The following CD47 variants were observed in gnomAD, a reference collection of about 807,000 sequenced individuals.
CD47 encodes leukocyte surface antigen CD47.
In CD47, 11 loss-of-function variants were observed where a neutral mutation model predicts 44.6. That is an observed-to-expected ratio of 0.25 (90% CI 0.16 to 0.41). The LOEUF (loss-of-function observed/expected upper bound fraction) is 0.41, where lower values mean the gene tolerates loss of function less well. Among genes scored for constraint, CD47 ranks in the 10% least tolerant of loss-of-function variants. CD47 has a pLI of 1.00. For missense variants in CD47, 306 were observed against 386.7 expected, an observed-to-expected ratio of 0.79 and a Z score of 1.75; for synonymous variants, 140 against 136.3, an observed-to-expected ratio of 1.03 and a Z score of -0.19.
Position 108,071,152 on chromosome 3 carries a change from A to C in CD47, c.431T>G (p.Leu144Arg), listed in dbSNP as rs2079193402. The C allele has an allele frequency of 6.6e-7, 1 of 1,503,966 alleles. No individual in the cohort carries two copies. The highest frequency in any genetic ancestry group is 1.4e-5 in the African/African-American group (1 of 72,190). 93.2% of individuals were successfully genotyped at this position (1,503,966 alleles called of 1,614,324 possible). A position where few individuals can be genotyped will look rare whatever the true frequency, so the allele number is the denominator to read the frequency against. The change falls in exon 3 of 11, where the codon CTT (leucine) becomes CGT (arginine). Residue 144 changes from leucine to arginine, a missense_variant. By Grantham distance (102) the Leu-to-Arg change is moderately radical. This residue lies in a region of CD47 where 65 missense variants were observed against 119.9 expected (regional missense o/e 0.54). Coordinates refer to ENST00000361309, the MANE Select transcript of CD47 (RefSeq NM_001777.4). ...VSWFSPNENI[L>R]IVIFPIFAIL... ...AGCAAAAATTGGGAAAATAACAATA[A>C]GAATATTTTCATTTGGAGAAAACCA...
At chr3:108,073,627 A>C (rs2079251825) in intron 2 of CD47, among the ~76,000 whole-genome samples, 1 of 152,210 alleles carries the variant, frequency 6.6e-6, no homozygotes, top group South Asian at 2.1e-4. Context: ...AAATGGGAAG[A>C]GTTTGCTGGG....
intron 6 of CD47, among the ~76,000 whole-genome samples, chr3:108,058,121 T>A (rs182198148): frequency 6.6e-6 from 1 of 152,280 alleles, no homozygotes; most frequent in East Asian, 1.9e-4. Flanking sequence ...GTAATTGCAC[T>A]CCTTGGTATT....
chr3:108,067,539 C>A (rs1294810495), intron 3 of CD47, among the ~76,000 whole-genome samples: 1 of 152,160 alleles, frequency 6.6e-6, no homozygotes, highest in Non-Finnish European at 1.5e-5. Flanking sequence ...TGAAAATCAG[C>A]CAGGAACTTA....
At chr3:108,064,059 C>T (rs1243052082) in intron 3 of CD47, among the ~76,000 whole-genome samples, 2 of 152,206 alleles carry the variant, frequency 1.3e-5, no homozygotes, top group African/African-American at 4.8e-5. Flanking sequence ...TTCATCTGTT[C>T]TACAAATATT....
intron 2 of CD47, among the ~76,000 whole-genome samples, chr3:108,077,063 T>C (rs1468843319): frequency 6.6e-6 from 1 of 152,148 alleles, no homozygotes; most frequent in Non-Finnish European, 1.5e-5. Flanking sequence ...TTATAGTGTT[T>C]CCATGTATTC....
Position 108,049,138 on chromosome 3 carries a change from C to G in CD47, c.967+481G>C, listed in dbSNP as rs562895312. On this transcript the variant is annotated intron_variant, in intron 10 of 10. Transcript: ENST00000361309. Reference sequence around the variant, plus strand: ...TCTCTCTCTCTCTCTCTCTCTCTCTCTCTCTCAACCTCTCTCTTTAATCAT... The same window carrying G: ...TCTCTCTCTCTCTCTCTCTCTCTCTGTCTCTCAACCTCTCTCTTTAATCAT... 3.0e-5 allele frequency among the ~76,000 whole-genome samples: 4 copies of G among 133,716 alleles called. No homozygotes were observed. In the East Asian group the frequency reaches 8.7e-4, roughly 29 times the overall value. The allele number at this position is 133,716 out of a possible 152,430, so 87.7% of individuals were successfully genotyped here. A position where few individuals can be genotyped will look rare whatever the true frequency, so the allele number is the denominator to read the frequency against.
chr3:108,084,716 T>C (rs1375375847), intron 1 of CD47, among the ~76,000 whole-genome samples: 1 of 152,112 alleles, frequency 6.6e-6, no homozygotes, highest in African/African-American at 2.4e-5. Flanking sequence ...GTATTTTCTA[T>C]CATCTACCAG....
chr3:108,058,916 T>C (rs1475419205), intron 5 of CD47, among the ~76,000 whole-genome samples: 1 of 152,200 alleles, frequency 6.6e-6, no homozygotes, highest in Non-Finnish European at 1.5e-5. Context: ...GACTCTTTAA[T>C]AGTAATAACT....
intron 3 of CD47, among the ~76,000 whole-genome samples, chr3:108,068,433 C>T (rs1043865906): frequency 1.3e-5 from 2 of 152,124 alleles, no homozygotes; most frequent in African/African-American, 2.4e-5. Flanking sequence ...TAGGTATTTG[C>T]AGAATAAGTA....
Position 108,046,991 on chromosome 3 carries a change from A to C in CD47, c.*297T>G. The C allele has an allele frequency of 3.1e-6, 1 of 327,330 alleles. No homozygotes were observed. The highest frequency in any genetic ancestry group is 5.0e-5 in the Admixed American group (1 of 20,188). 20.3% of individuals were successfully genotyped at this position (327,330 alleles called of 1,614,324 possible). A position where few individuals can be genotyped will look rare whatever the true frequency, so the allele number is the denominator to read the frequency against. ...CCAGAGGCCCTAGGACCTGAAAGGC[A>C]TCATTCTTGGAAATTGTCCATTCTA... On this transcript the variant is annotated 3_prime_UTR_variant, in exon 11 of 11. Coordinates refer to ENST00000361309, the MANE Select transcript of CD47 (RefSeq NM_001777.4).
rs1349686597 is a variant in CD47, at chr3:108,044,415, C to A, written c.*2873G>T. On this transcript the variant is annotated 3_prime_UTR_variant, in exon 11 of 11. Transcript: ENST00000361309. Reference sequence around the variant, plus strand: ...GGTTTTTAGAGCATGTGAAATTAGTCAAAAAAAAAAAAAAAAAAAAAAAAA... The same window carrying A: ...GGTTTTTAGAGCATGTGAAATTAGTAAAAAAAAAAAAAAAAAAAAAAAAAA... 1 of 34,126 alleles carries A rather than the reference C, an allele frequency of 2.9e-5. No individual in the cohort carries two copies. Among genetic ancestry groups the A allele is most frequent in the Non-Finnish European group, 6.3e-5 (1 of 15,938 alleles). The allele number at this position is 34,126 out of a possible 1,614,324, so 2.1% of individuals were successfully genotyped here.
chr3:108,090,780 G>T, intron 1 of CD47, 83 bp downstream of exon 1: 1 of 1,291,532 alleles, frequency 7.7e-7, no homozygotes, highest in Non-Finnish European at 1.0e-6. Context: ...TCAGGGCGCC[G>T]CCGGGCTGGC....
rs1270610317 is a variant in CD47, at chr3:108,076,357, C to G, written c.400+3634G>C. Among the ~76,000 whole-genome samples, 5 of 152,218 alleles carry G rather than the reference C, an allele frequency of 3.3e-5. No homozygotes were observed. In the East Asian group the frequency reaches 9.6e-4, roughly 29 times the overall value. ...ACCTTTCTAAACAAAACTCTAATAG[C>G]TTAGAGAAAAATAAACTTTAAGTTT... On this transcript the variant is annotated intron_variant, in intron 2 of 10. Transcript: ENST00000361309.
chr3:108,086,293 G>C (rs112750402), intron 1 of CD47, among the ~76,000 whole-genome samples: 2,753 of 152,046 alleles, frequency 0.018, 38 homozygotes, highest in Non-Finnish European at 0.029. Context: ...AGGAAGGACT[G>C]AGGGCAGCAA....
intron 1 of CD47, among the ~76,000 whole-genome samples, chr3:108,086,068 G>A (rs1240280447): frequency 6.6e-6 from 1 of 152,068 alleles, no homozygotes; most frequent in Non-Finnish European, 1.5e-5. Flanking sequence ...GGGCTTTCTA[G>A]GCAGAGTAAC....
rs752950110 is a variant in CD47, at chr3:108,065,704, C to A, written c.491-4852G>T. On this transcript the variant is annotated intron_variant, in intron 3 of 10. Transcript: ENST00000361309. ...TGCACGCCAGTAGCCTGTAGCTACT[C>A]GGGAGGCTGAGACAGAAGAATCGCT... Among the ~76,000 whole-genome samples the A allele has an allele frequency of 4.7e-5, 7 of 149,458 alleles. No individual in the cohort carries two copies. The South Asian group carries it at 1.5e-3, about 32-fold the overall frequency.
At chr3:108,081,846 C>T (rs2079426267) in intron 1 of CD47, among the ~76,000 whole-genome samples, 1 of 151,894 alleles carries the variant, frequency 6.6e-6, no homozygotes, top group Admixed American at 6.6e-5. Context: ...GATATGGGCC[C>T]TCTTTGACTA....
chr3:108,087,311 C>T (rs191508689), intron 1 of CD47, among the ~76,000 whole-genome samples: 4 of 152,146 alleles, frequency 2.6e-5, no homozygotes, highest in East Asian at 3.9e-4. Context: ...GGGGTGTCCA[C>T]AAGTTGTACT....
chr3:108,055,115 G>A (rs1289444726), intron 7 of CD47, among the ~76,000 whole-genome samples: 3 of 152,058 alleles, frequency 2.0e-5, no homozygotes, highest in African/African-American at 7.2e-5. Context: ...AAAATAGAAA[G>A]TGAAAGTCAC....
Sources: allele counts gnomAD v4.1 joint callset (sites outside exome capture counted in the v4.1 genomes callset), GRCh38; gene constraint gnomAD v4.1.1; regional missense constraint gnomAD v4.1.1; transcripts MANE v1.5; gene names NCBI Gene and HGNC (gene_info 2026-07-23, HGNC 2026-07-21).